Variants in CFAP20DC observed in about 807,000 individuals in gnomAD.
CFAP20DC encodes CFAP20 domain containing.
Under a neutral mutation model 101.7 loss-of-function variants are expected in CFAP20DC, and 84 were observed. The ratio of observed to expected loss-of-function variants is 0.83; its 90% confidence interval spans 0.69 to 0.99. The LOEUF (loss-of-function observed/expected upper bound fraction) is 0.99. Ranked by LOEUF, CFAP20DC falls within the 50% of genes least tolerant of loss-of-function variation. The pLI is 0.00. For missense variants in CFAP20DC, 1,007 were observed against 970.3 expected, an observed-to-expected ratio of 1.04 and a Z score of -0.50; for synonymous variants, 359 against 351.2, an observed-to-expected ratio of 1.02 and a Z score of -0.25.
At chr3:59,024,420 A>G (rs1472482163) in intron 4 of CFAP20DC, among the ~76,000 whole-genome samples, 2 of 152,032 alleles carry the variant, frequency 1.3e-5, no homozygotes, top group Non-Finnish European at 2.9e-5. Flanking sequence ...TCAAGATCTC[A>G]TGGTCTATTT....
intron 6 of CFAP20DC, among the ~76,000 whole-genome samples, chr3:58,885,720 T>G (rs2081573036): frequency 6.6e-6 from 1 of 151,896 alleles, no homozygotes; most frequent in Non-Finnish European, 1.5e-5. Context: ...CATTCAACTT[T>G]CTGTTCCTGG....
At chr3:58,837,810 G>C (rs530932527) in intron 13 of CFAP20DC, among the ~76,000 whole-genome samples, 1 of 152,272 alleles carries the variant, frequency 6.6e-6, no homozygotes, top group South Asian at 2.1e-4. Flanking sequence ...AAAAGTACTA[G>C]AAGTCCATTT....
intron 6 of CFAP20DC, among the ~76,000 whole-genome samples, chr3:58,886,190 A>T (rs1443697947): frequency 2.0e-5 from 3 of 152,194 alleles, no homozygotes; most frequent in Non-Finnish European, 4.4e-5. Context: ...TAAAAAAATT[A>T]GAAACTCAAG....
chr3:58,843,679 C>G (rs1249519007), intron 13 of CFAP20DC, among the ~76,000 whole-genome samples: 2 of 150,818 alleles, frequency 1.3e-5, no homozygotes, highest in African/African-American at 4.9e-5. Flanking sequence ...AAAGATACTC[C>G]TCGAGAAGAG....
rs777727382 is a variant in CFAP20DC at position 58,861,021 on chromosome 3, C to G, written c.1593+2537G>C. On this transcript the variant is annotated intron_variant, in intron 12 of 16. Coordinates refer to ENST00000482387, the MANE Select transcript of CFAP20DC (RefSeq NM_001394063.1). The surrounding 1 kb of genome is among the most constrained non-coding windows in gnomAD (Gnocchi z 4.0). ...TAAGGTTATATGCAAAAAATTCATA[C>G]TTTTGAGGCTCCAACACTAAGATCT... Among the ~76,000 whole-genome samples the G allele has an allele frequency of 1.6e-4, 24 of 152,062 alleles. No individual in the cohort carries two copies. Among genetic ancestry groups the G allele is most frequent in the Non-Finnish European group, 3.4e-4 (23 of 67,992 alleles).
At chr3:59,005,908 T>C (rs1049150972) in intron 4 of CFAP20DC, among the ~76,000 whole-genome samples, 10 of 152,160 alleles carry the variant, frequency 6.6e-5, no homozygotes, top group Non-Finnish European at 2.9e-5. Context: ...TAGAATTAGA[T>C]GAAAACAAAT....
chr3:59,026,643 T>G (rs1234856213), intron 4 of CFAP20DC, among the ~76,000 whole-genome samples: 1 of 152,162 alleles, frequency 6.6e-6, no homozygotes, highest in Non-Finnish European at 1.5e-5. Context: ...CGATGACATA[T>G]GAAAAGATCA....
intron 3 of CFAP20DC, among the ~76,000 whole-genome samples, chr3:59,041,127 T>C (rs866448089): frequency 2.6e-5 from 4 of 152,092 alleles, no homozygotes; most frequent in African/African-American, 7.2e-5. Context: ...ATTTTTCCAT[T>C]GCACAATGGC....
intron 7 of CFAP20DC, among the ~76,000 whole-genome samples, chr3:58,880,909 A>G (rs2081185782): frequency 6.6e-6 from 1 of 152,186 alleles, no homozygotes; most frequent in African/African-American, 2.4e-5. Flanking sequence ...TTAACCAACA[A>G]TCCTAAGACA....
chr3:59,013,295 G>A (rs938853290), intron 4 of CFAP20DC, among the ~76,000 whole-genome samples: 3 of 152,130 alleles, frequency 2.0e-5, no homozygotes, highest in African/African-American at 7.2e-5. Flanking sequence ...GTCACAGGAA[G>A]TAACTTATAA....
intron 7 of CFAP20DC, among the ~76,000 whole-genome samples, chr3:58,876,795 C>T (rs1413658137): frequency 6.6e-6 from 1 of 152,146 alleles, no homozygotes; most frequent in African/African-American, 2.4e-5. Context: ...GGGTCATGCT[C>T]AAGACTTACA....
chr3:58,790,809 C>T lies in CFAP20DC; in HGVS notation c.2237+15586G>A, dbSNP rs540967443. Among the ~76,000 whole-genome samples, 27 of 152,102 alleles carry T rather than the reference C, an allele frequency of 1.8e-4. No individual in the cohort carries two copies. In the South Asian group the frequency reaches 1.9e-3, roughly 11 times the overall value. On this transcript the variant is annotated intron_variant, in intron 15 of 16. Coordinates refer to ENST00000482387, the MANE Select transcript of CFAP20DC (RefSeq NM_001394063.1). ...GATAAATTAAAAGGTATCCAAAGGA[C>T]GGTGATTAGGACTATGCCAGGACCA...
At chr3:59,010,365 G>C (rs1322124564) in intron 4 of CFAP20DC, among the ~76,000 whole-genome samples, 3 of 152,026 alleles carry the variant, frequency 2.0e-5, no homozygotes, top group Non-Finnish European at 4.4e-5. Context: ...TGTGGAAAGA[G>C]ATATTCCATG....
chr3:58,754,607 T>A (rs993095150), intron 15 of CFAP20DC, among the ~76,000 whole-genome samples: 6 of 152,316 alleles, frequency 3.9e-5, no homozygotes, highest in African/African-American at 1.4e-4. Context: ...TGAATTCTAT[T>A]TCTTGCACTG....
At chr3:58,871,227 A>C (rs2080179322) in intron 7 of CFAP20DC, among the ~76,000 whole-genome samples, 2 of 152,186 alleles carry the variant, frequency 1.3e-5, no homozygotes, top group African/African-American at 4.8e-5. Context: ...TACCAGAGTA[A>C]AGGCATGGAA....
At chr3:58,781,257 G>A (rs1559581047) in intron 15 of CFAP20DC, among the ~76,000 whole-genome samples, 2 of 151,652 alleles carry the variant, frequency 1.3e-5, no homozygotes, top group African/African-American at 2.4e-5. Flanking sequence ...AAAACACAGT[G>A]TACCAAAACC....
At chr3:58,749,484 A>G (rs1271634072) in intron 16 of CFAP20DC, among the ~76,000 whole-genome samples, 1 of 152,218 alleles carries the variant, frequency 6.6e-6, no homozygotes, top group Non-Finnish European at 1.5e-5. Flanking sequence ...ACTCTTTACT[A>G]GTAATTTGGA....
intron 6 of CFAP20DC, among the ~76,000 whole-genome samples, chr3:58,893,741 T>G (rs1191456464): frequency 6.6e-6 from 1 of 152,038 alleles, no homozygotes; most frequent in Non-Finnish European, 1.5e-5. Context: ...TCTGGCAGAA[T>G]CCAGGTGTGA....
At chr3:59,046,366 T>C (rs1405359821) in intron 2 of CFAP20DC, 44 bp from the exon 3 acceptor site, 19 of 1,236,696 alleles carry the variant, frequency 1.5e-5, no homozygotes, top group East Asian at 2.7e-5. Flanking sequence ...GGATATTTTA[T>C]TTGGCTTCTA....
Sources: allele counts gnomAD v4.1 joint callset (sites outside exome capture counted in the v4.1 genomes callset), GRCh38; gene constraint gnomAD v4.1.1; non-coding constraint Gnocchi (gnomAD v3.1); transcripts MANE v1.5; gene names NCBI Gene and HGNC (gene_info 2026-07-23, HGNC 2026-07-21).